The following UBE2E2 variants were observed in gnomAD, a reference collection of about 807,000 sequenced individuals.
UBE2E2 encodes ubiquitin-conjugating enzyme E2 E2.
Under a neutral mutation model 24.7 loss-of-function variants are expected in UBE2E2, and 6 were observed. The observed-to-expected ratio is 0.24, with a 90% CI of 0.13 to 0.48. The LOEUF is 0.48. UBE2E2 is among the 20% of genes least tolerant of loss of function. The pLI is 0.99. For missense variants in UBE2E2, 169 were observed against 245.0 expected (o/e 0.69, Z 2.07); for synonymous variants, 104 against 83.6 (o/e 1.24, Z -1.33).
chr3:23,557,873 A>G (rs995369130), intron 5 of UBE2E2, among the ~76,000 whole-genome samples: 3 of 152,220 alleles, frequency 2.0e-5, no homozygotes, highest in African/African-American at 7.2e-5. Flanking sequence ...AACCAGGCTT[A>G]CATAGTCTTC....
intron 3 of UBE2E2, among the ~76,000 whole-genome samples, chr3:23,411,412 T>C (rs1259533148): frequency 6.6e-6 from 1 of 152,150 alleles, no homozygotes; most frequent in African/African-American, 2.4e-5. Flanking sequence ...TTTACTCTGA[T>C]GGTCCTTTGC....
intron 3 of UBE2E2, among the ~76,000 whole-genome samples, chr3:23,423,601 C>T (rs1173098996): frequency 6.6e-6 from 1 of 152,118 alleles, no homozygotes; most frequent in East Asian, 1.9e-4. Context: ...TACTTTATAA[C>T]ACACTAATGC....
intron 3 of UBE2E2, among the ~76,000 whole-genome samples, chr3:23,267,551 T>C (rs1012938486): frequency 1.3e-5 from 2 of 151,978 alleles, no homozygotes; most frequent in African/African-American, 2.4e-5. Flanking sequence ...TCTGAAATTG[T>C]GGCAATAATC....
At chr3:23,467,767 A>G (rs1216246019) in intron 3 of UBE2E2, among the ~76,000 whole-genome samples, 1 of 152,142 alleles carries the variant, frequency 6.6e-6, no homozygotes, top group African/African-American at 2.4e-5. Flanking sequence ...TATAAGAAAA[A>G]GTTTTAATTA....
intron 4 of UBE2E2, among the ~76,000 whole-genome samples, chr3:23,532,072 A>G (rs1477467694): frequency 6.6e-6 from 1 of 151,814 alleles, no homozygotes; most frequent in Admixed American, 6.5e-5. Context: ...AAAAAAAAAA[A>G]AAAAGAAAAA....
At chr3:23,326,371 A>G (rs1166345465) in intron 3 of UBE2E2, among the ~76,000 whole-genome samples, 1 of 152,150 alleles carries the variant, frequency 6.6e-6, no homozygotes, top group African/African-American at 2.4e-5. Context: ...GTGCCTGGCC[A>G]TCTGTAATCT....
intron 4 of UBE2E2, among the ~76,000 whole-genome samples, chr3:23,521,884 G>A (rs1045302709): frequency 2.4e-4 from 36 of 151,660 alleles, no homozygotes; most frequent in Non-Finnish European, 4.9e-4. Context: ...ATGGATCCCC[G>A]TGTACCCCCC....
intron 3 of UBE2E2, among the ~76,000 whole-genome samples, chr3:23,315,176 C>T (rs568671678): frequency 9.2e-5 from 14 of 152,256 alleles, no homozygotes; most frequent in Admixed American, 3.9e-4. Context: ...AGACAAACTT[C>T]TTCCCACTCT....
chr3:23,243,768 A>G (rs1405539476), intron 3 of UBE2E2, among the ~76,000 whole-genome samples: 1 of 150,936 alleles, frequency 6.6e-6, no homozygotes, highest in Non-Finnish European at 1.5e-5. Flanking sequence ...TTTTGGCCTT[A>G]AAGTTTTAAT....
At chr3:23,288,109 T>A (rs1334694480) in intron 3 of UBE2E2, among the ~76,000 whole-genome samples, 1 of 152,146 alleles carries the variant, frequency 6.6e-6, no homozygotes, top group Non-Finnish European at 1.5e-5. Context: ...CCTATAGGTT[T>A]TGCTATGTTG....
chr3:23,305,952 T>A (rs1699225962), intron 3 of UBE2E2, among the ~76,000 whole-genome samples: 2 of 152,208 alleles, frequency 1.3e-5, no homozygotes, highest in Admixed American at 1.3e-4. Context: ...ACTATTATTA[T>A]GAAACTTTGC....
chr3:23,331,855 T>C (rs1695067431), intron 3 of UBE2E2, among the ~76,000 whole-genome samples: 1 of 152,232 alleles, frequency 6.6e-6, no homozygotes, highest in Non-Finnish European at 1.5e-5. Context: ...CTTACATTTC[T>C]AAAGGAACAT....
At chr3:23,405,984 T>G (rs947815746) in intron 3 of UBE2E2, among the ~76,000 whole-genome samples, 1 of 152,228 alleles carries the variant, frequency 6.6e-6, no homozygotes, top group South Asian at 2.1e-4. Context: ...AATCTCAGCC[T>G]TTTCTAATGA....
intron 3 of UBE2E2, among the ~76,000 whole-genome samples, chr3:23,328,603 T>C (rs947883253): frequency 6.6e-6 from 1 of 152,210 alleles, no homozygotes; most frequent in African/African-American, 2.4e-5. Context: ...TGTAACACCA[T>C]TGTAAGTTTA....
intron 3 of UBE2E2, among the ~76,000 whole-genome samples, chr3:23,479,239 A>C (rs1314325957): frequency 1.3e-5 from 2 of 152,294 alleles, no homozygotes; most frequent in East Asian, 3.9e-4. Flanking sequence ...TGTGTGAGCA[A>C]ACAATCATGG....
intron 3 of UBE2E2, among the ~76,000 whole-genome samples, chr3:23,497,959 C>G (rs566097017): frequency 6.6e-6 from 1 of 152,288 alleles, no homozygotes; most frequent in South Asian, 2.1e-4. Context: ...GTGGTTTTGT[C>G]AGGCATTGAT....
chr3:23,264,221 G>A (rs1697980662), intron 3 of UBE2E2, among the ~76,000 whole-genome samples: 1 of 152,058 alleles, frequency 6.6e-6, no homozygotes, highest in African/African-American at 2.4e-5. Context: ...AGAGGGAAAT[G>A]CAAATTAGAA....
At chr3:23,336,647 C>G (rs907313762) in intron 3 of UBE2E2, among the ~76,000 whole-genome samples, 3 of 152,082 alleles carry the variant, frequency 2.0e-5, no homozygotes, top group Non-Finnish European at 4.4e-5. Context: ...GTAGATATTG[C>G]GTATCTCAAA....
chr3:23,310,765 A>G (rs1244883766), intron 3 of UBE2E2, among the ~76,000 whole-genome samples: 1 of 151,978 alleles, frequency 6.6e-6, no homozygotes, highest in Non-Finnish European at 1.5e-5. Flanking sequence ...CATAAAAGAT[A>G]ATGTCAGTTG....
Sources: gnomAD v4.1 joint callset for allele counts (sites outside exome capture counted in the v4.1 genomes callset) on GRCh38, gnomAD v4.1.1 for gene constraint, MANE v1.5 for transcripts, NCBI Gene and HGNC (gene_info 2026-07-23, HGNC 2026-07-21) for gene names.